Variants in AKT3 observed in about 807,000 individuals in gnomAD.
The protein encoded by AKT3 is RAC-gamma serine/threonine-protein kinase.
A neutral mutation model predicts 65.3 loss-of-function variants in AKT3; 15 were observed. That is an observed-to-expected ratio of 0.23 (90% CI 0.15 to 0.35). The LOEUF is 0.35. Among genes scored for constraint, AKT3 ranks in the 10% least tolerant of loss-of-function variants. The pLI is 1.00. For missense variants in AKT3, 243 were observed against 576.5 expected (o/e 0.42, Z 5.92); for synonymous variants, 206 against 183.8 (o/e 1.12, Z -0.98).
rs1669425373 is a variant in AKT3 at position 243,503,113 on chromosome 1, A to G, written c.*2136T>C. Reference sequence around the variant, plus strand: ...CATAATTCCAAGTGAAAAAAAAAAGATTAGCTATGTGTGTAAGTAAGAATG... The same window carrying G: ...CATAATTCCAAGTGAAAAAAAAAAGGTTAGCTATGTGTGTAAGTAAGAATG... On this transcript the variant is annotated 3_prime_UTR_variant, in exon 14 of 14. Coordinates refer to ENST00000673466, the MANE Select transcript of AKT3 (RefSeq NM_005465.7). The G allele has an allele frequency of 4.3e-6, 1 of 233,636 alleles. No individual in the cohort carries two copies. The allele number at this position is 233,636 out of a possible 1,614,324, so 14.5% of individuals were successfully genotyped here.
intron 3 of AKT3, among the ~76,000 whole-genome samples, chr1:243,690,850 G>A (rs745455936): frequency 6.6e-6 from 1 of 151,984 alleles, no homozygotes; most frequent in Non-Finnish European, 1.5e-5. Flanking sequence ...ATTTCTAAAG[G>A]CTTCATTTTT....
At chr1:243,740,579 A>G (rs765367255) in intron 2 of AKT3, 4 of 152,234 alleles carry the variant, frequency 2.6e-5, no homozygotes, top group Non-Finnish European at 5.9e-5. Context: ...TTTTCTAAAT[A>G]AAGTTTTATT....
In AKT3 at chr1:243,500,522, T is replaced by C. The variant is rs1270472316; in HGVS notation, c.*4727A>G. On this transcript the variant is annotated 3_prime_UTR_variant, in exon 14 of 14. Coordinates refer to ENST00000673466, the MANE Select transcript of AKT3 (RefSeq NM_005465.7). ...TACACAGATAATTATTTGTCTAAAATAGTATTTCTACTATACACAATTAAG... is the reference window on the plus strand; with the variant it reads ...TACACAGATAATTATTTGTCTAAAACAGTATTTCTACTATACACAATTAAG... The C allele has an allele frequency of 4.4e-6, 1 of 226,912 alleles. No homozygotes were observed. The highest frequency in any genetic ancestry group is 1.3e-3 in the Middle Eastern group (1 of 742). The allele number at this position is 226,912 out of a possible 1,614,324, so 14.1% of individuals were successfully genotyped here.
At chr1:243,593,984 A>C (rs1676423111) in intron 8 of AKT3, among the ~76,000 whole-genome samples, 1 of 152,234 alleles carries the variant, frequency 6.6e-6, no homozygotes, top group Non-Finnish European at 1.5e-5. Flanking sequence ...TATACATGCC[A>C]TACAAACAAG....
chr1:243,567,487 CTTTTTTTTTTTTTT>C (rs993323556), intron 9 of AKT3, among the ~76,000 whole-genome samples: 2 of 122,320 alleles, frequency 1.6e-5, no homozygotes, highest in African/African-American at 6.3e-5. Flanking sequence ...TTGTTTCTTC[CTTTTTTTTTTTTTT>C]TTTTTTTTTA....
chr1:243,551,705 T>C (rs1318633880), intron 11 of AKT3, among the ~76,000 whole-genome samples: 1 of 152,042 alleles, frequency 6.6e-6, no homozygotes, highest in Non-Finnish European at 1.5e-5. Context: ...GAAATACTGA[T>C]ATGCACAGAT....
Position 243,698,304 on chromosome 1 carries a change from C to T in AKT3, c.47-2588G>A, listed in dbSNP as rs190616653. ...AAATCACAATAGTTTAATAATTATA[C>T]CAAAAATAAAATGAATCAGATCCAT... On this transcript the variant is annotated intron_variant, in intron 2 of 13. Transcript: ENST00000673466. Among the ~76,000 whole-genome samples the T allele has an allele frequency of 1.6e-4, 24 of 151,848 alleles. No homozygotes were observed. The East Asian group carries it at 4.3e-3, about 27-fold the overall frequency.
intron 2 of AKT3, among the ~76,000 whole-genome samples, chr1:243,827,566 T>G (rs901545044): frequency 3.9e-5 from 6 of 152,202 alleles, no homozygotes; most frequent in African/African-American, 1.4e-4. Flanking sequence ...AGCTCCTAAC[T>G]GTGTAAGATA....
intron 13 of AKT3, among the ~76,000 whole-genome samples, chr1:243,506,167 C>A (rs1043178189): frequency 2.6e-5 from 4 of 152,236 alleles, no homozygotes; most frequent in Non-Finnish European, 5.9e-5. Context: ...GGGCTGAGCA[C>A]CCGTCAGGCC....
At chr1:243,517,338 T>A (rs942424151) in intron 12 of AKT3, among the ~76,000 whole-genome samples, 5 of 152,236 alleles carry the variant, frequency 3.3e-5, no homozygotes, top group African/African-American at 1.2e-4. Context: ...TGACTGATAG[T>A]ATTGCCCAAG....
At chr1:243,583,195 T>TATATATATAC (rs759291565) in intron 8 of AKT3, among the ~76,000 whole-genome samples, 58 of 88,250 alleles carry the variant, frequency 6.6e-4, no homozygotes, top group African/African-American at 2.9e-3. Context: ...TATATATATA[T>TATATATATAC]ACACACACAC....
At chr1:243,650,450 C>T (rs534672266) in intron 4 of AKT3, among the ~76,000 whole-genome samples, 5 of 152,302 alleles carry the variant, frequency 3.3e-5, no homozygotes, top group Admixed American at 6.5e-5. Flanking sequence ...GTTGCCATTG[C>T]TTTTGGTGTT....
chr1:243,841,284 T>C (rs1032458503), intron 2 of AKT3, among the ~76,000 whole-genome samples: 4 of 152,144 alleles, frequency 2.6e-5, no homozygotes, highest in Non-Finnish European at 4.4e-5. Context: ...TTGATAAATA[T>C]GTGGAGATAG....
chr1:243,832,847 T>C (rs1466479886), intron 2 of AKT3, among the ~76,000 whole-genome samples: 1 of 152,120 alleles, frequency 6.6e-6, no homozygotes, highest in African/African-American at 2.4e-5. Context: ...TATCTAAACA[T>C]AGAAAAGGTA....
chr1:243,798,691 A>C (rs1000529125), intron 2 of AKT3, among the ~76,000 whole-genome samples: 12 of 151,848 alleles, frequency 7.9e-5, no homozygotes, highest in Non-Finnish European at 1.6e-4. Flanking sequence ...AAAAATATTC[A>C]CTCACTCTTA....
Position 243,795,476 on chromosome 1 carries a change from G to GTTT in AKT3, c.46+47646_46+47648dup, listed in dbSNP as rs11440720. 1.3e-3 allele frequency among the ~76,000 whole-genome samples: 148 copies of GTTT among 109,708 alleles called. 4 individuals are homozygous for GTTT. Among genetic ancestry groups the GTTT allele is most frequent in the Non-Finnish European group, 1.6e-3 (91 of 56,510 alleles). The allele number at this position is 109,708 out of a possible 152,430, so 72.0% of individuals were successfully genotyped here. A position where few individuals can be genotyped will look rare whatever the true frequency, so the allele number is the denominator to read the frequency against. ...TTTTTTTTTTTGTTTTTTTTTTTTG[G>GTTT]TTTTTTTTTTTTTGAGACGGAGTCT... On this transcript the variant is annotated intron_variant, in intron 2 of 13. Transcript: ENST00000673466.
In AKT3 at chr1:243,674,015, C is replaced by T. The variant is rs536468962; in HGVS notation, c.173-9132G>A. On this transcript the variant is annotated intron_variant, in intron 3 of 13. Transcript: ENST00000673466. ...AAGAATGTACATTAGATTGAAAATT[C>T]CCTTAGGGGAAGGTCCATACTATTT... is the stretch of plus-strand genomic sequence containing the variant. Among the ~76,000 whole-genome samples the T allele has an allele frequency of 5.3e-5, 8 of 152,236 alleles. No homozygotes were observed. The South Asian group carries it at 1.7e-3, about 32-fold the overall frequency.
chr1:243,709,584 T>C (rs894364728), intron 2 of AKT3, among the ~76,000 whole-genome samples: 2 of 151,936 alleles, frequency 1.3e-5, no homozygotes, highest in Non-Finnish European at 2.9e-5. Context: ...GTATATAATA[T>C]CATGGATATT....
intron 2 of AKT3, among the ~76,000 whole-genome samples, chr1:243,800,287 C>A (rs964681797): frequency 6.6e-6 from 1 of 152,210 alleles, no homozygotes; most frequent in African/African-American, 2.4e-5. Context: ...CAGTGCCAAC[C>A]TTACAGGGCT....
Sources: allele counts gnomAD v4.1 joint callset (sites outside exome capture counted in the v4.1 genomes callset), GRCh38; gene constraint gnomAD v4.1.1; transcripts MANE v1.5; gene names NCBI Gene and HGNC (gene_info 2026-07-23, HGNC 2026-07-21).